Variants in SORBS2 observed in about 807,000 individuals in gnomAD.
SORBS2 encodes the protein sorbin and SH3 domain containing 2.
A neutral mutation model predicts 97.7 loss-of-function variants in SORBS2; 46 were observed. The ratio of observed to expected loss-of-function variants is 0.47; its 90% CI spans 0.37 to 0.60. The LOEUF (loss-of-function observed/expected upper bound fraction) is 0.60, where lower values mean the gene tolerates loss of function less well. SORBS2 is among the 20% of genes least tolerant of loss of function. The pLI, the probability that SORBS2 is intolerant of heterozygous loss-of-function variation, is 0.00. For synonymous variants in SORBS2, 476 were observed against 473.4 expected (o/e 1.01, Z -0.07); for missense variants, 1,316 against 1,282.3 (o/e 1.03, Z -0.40).
chr4:185,722,573 G>A (rs1454405097), intron 2 of SORBS2, among the ~76,000 whole-genome samples: 1 of 152,060 alleles, frequency 6.6e-6, no homozygotes, highest in Non-Finnish European at 1.5e-5. Flanking sequence ...GCATCTGATT[G>A]GTGATAAAAA....
intron 2 of SORBS2, among the ~76,000 whole-genome samples, chr4:185,739,598 G>A (rs2098709808): frequency 6.6e-6 from 1 of 152,194 alleles, no homozygotes; most frequent in Non-Finnish European, 1.5e-5. Context: ...TGTGTGTTCA[G>A]GATGAGGGCT....
At chr4:185,847,396 T>C (rs1010225626) in intron 1 of SORBS2, among the ~76,000 whole-genome samples, 2 of 152,136 alleles carry the variant, frequency 1.3e-5, no homozygotes, top group East Asian at 1.9e-4. Flanking sequence ...CTCTGCCCAG[T>C]GTGGAGGTGA....
chr4:185,665,847 C>T, intron 4 of SORBS2: 1 of 1,155,034 alleles, frequency 8.7e-7, no homozygotes, highest in Non-Finnish European at 1.1e-6. Context: ...CAATCTGCAG[C>T]TCCTCCAGCA....
intron 2 of SORBS2, among the ~76,000 whole-genome samples, chr4:185,699,798 C>A (rs996091300): frequency 1.2e-4 from 19 of 152,224 alleles, no homozygotes; most frequent in African/African-American, 4.3e-4. Context: ...AGACAGATAT[C>A]TTCCATTTTA....
chr4:185,906,536 T>G (rs577876319), intron 1 of SORBS2, among the ~76,000 whole-genome samples: 1 of 152,364 alleles, frequency 6.6e-6, no homozygotes, highest in South Asian at 2.1e-4. Context: ...GACCAACTTT[T>G]GGTATGAAAT....
At chr4:185,885,265 C>A (rs929836431) in intron 1 of SORBS2, among the ~76,000 whole-genome samples, 2 of 152,154 alleles carry the variant, frequency 1.3e-5, no homozygotes, top group African/African-American at 2.4e-5. Context: ...AGCCCAAGGG[C>A]GAGGAAAAGC....
In SORBS2 at chr4:185,677,410, T is replaced by C. The variant is rs1399756300; in HGVS notation, c.-46+1013A>G. The C allele has an allele frequency of 2.6e-6, 4 of 1,552,322 alleles. No individual in the cohort carries two copies. The East Asian group carries it at 9.8e-5, about 38-fold the overall frequency. Reference sequence around the variant, plus strand: ...GAAGCTGCTGGTAGTGGATTAGTGATTTTTTGTGTATATGACATGGTTGTG... The same window carrying C: ...GAAGCTGCTGGTAGTGGATTAGTGACTTTTTGTGTATATGACATGGTTGTG... On this transcript the variant is annotated intron_variant, in intron 4 of 20. Transcript: ENST00000284776.
intron 2 of SORBS2, among the ~76,000 whole-genome samples, chr4:185,765,469 CG>C (rs1335912793): frequency 6.6e-6 from 1 of 151,984 alleles, no homozygotes; most frequent in African/African-American, 2.4e-5. Context: ...TAACATCAAA[CG>C]TTTTTTAATT....
At chr4:185,630,142 A>G (rs995141122) in intron 5 of SORBS2, among the ~76,000 whole-genome samples, 5 of 152,120 alleles carry the variant, frequency 3.3e-5, no homozygotes, top group Non-Finnish European at 5.9e-5. Flanking sequence ...TAATAACAGT[A>G]TTTCTGATTT....
chr4:185,921,243 G>T (rs758405687), intron 1 of SORBS2, among the ~76,000 whole-genome samples: 10 of 152,170 alleles, frequency 6.6e-5, no homozygotes, highest in South Asian at 2.1e-4. Context: ...TCTCCACTCA[G>T]CCATTTCTAA....
At position 185,953,140 on chromosome 4, in the gene SORBS2, C is replaced by T. The variant is rs546653277; in HGVS notation, c.-338+3056G>A. 5.3e-5 allele frequency among the ~76,000 whole-genome samples: 8 copies of T among 152,280 alleles called. No individual in the cohort carries two copies. The South Asian group carries it at 1.7e-3, about 32-fold the overall frequency. ...GACCAGCCTGGCCAACATAGTGAAA[C>T]CCCGTCTCTACTAAAAATACAAAAA... is the stretch of plus-strand genomic sequence containing the variant. On this transcript the variant is annotated intron_variant, in intron 1 of 20. Transcript: ENST00000284776.
intron 1 of SORBS2, among the ~76,000 whole-genome samples, chr4:185,920,649 A>C (rs1384384065): frequency 6.6e-6 from 1 of 152,232 alleles, no homozygotes; most frequent in Non-Finnish European, 1.5e-5. Flanking sequence ...CTTTTAAAAA[A>C]ATTTGGCAAC....
At chr4:185,921,555 AT>A (rs1004801380) in intron 1 of SORBS2, among the ~76,000 whole-genome samples, 15 of 152,194 alleles carry the variant, frequency 9.9e-5, no homozygotes, top group African/African-American at 3.6e-4. Context: ...AAGTATTTTA[AT>A]TGATCAGGAG....
chr4:185,627,108 G>A (rs899228381), intron 5 of SORBS2, 89 bp from the exon 18 acceptor site: 1 of 1,101,548 alleles, frequency 9.1e-7, no homozygotes, highest in African/African-American at 1.5e-5. Flanking sequence ...TAGTGACAAT[G>A]GCGTAACTCC....
At chr4:185,598,533 T>C (rs1467925815) in intron 12 of SORBS2, among the ~76,000 whole-genome samples, 1 of 152,230 alleles carries the variant, frequency 6.6e-6, no homozygotes, top group Non-Finnish European at 1.5e-5. Context: ...TCAAAGCTTC[T>C]GCAGTTATCT....
chr4:185,858,024 C>CATA (rs2099221588), intron 1 of SORBS2, among the ~76,000 whole-genome samples: 1 of 152,156 alleles, frequency 6.6e-6, no homozygotes, highest in African/African-American at 2.4e-5. Flanking sequence ...ACTCCCTGTT[C>CATA]ATACATCCCC....
At position 185,880,651 on chromosome 4, in the gene SORBS2, G is replaced by A. The variant is rs115203926; in HGVS notation, c.-338+75545C>T. On this transcript the variant is annotated intron_variant, in intron 1 of 20. Coordinates refer to the SORBS2 transcript ENST00000284776. ...TCATCAATAACTAGGATACTTTTAAGTTTCTCCTTGATATTTTCTCACCCC... is the reference window on the plus strand; with the variant it reads ...TCATCAATAACTAGGATACTTTTAAATTTCTCCTTGATATTTTCTCACCCC... 1.3e-3 allele frequency among the ~76,000 whole-genome samples: 202 copies of A among 152,318 alleles called. 2 individuals carry two copies. The highest frequency in any genetic ancestry group is 4.5e-3 in the African/African-American group (188 of 41,554).
intron 1 of SORBS2, among the ~76,000 whole-genome samples, chr4:185,853,179 T>G (rs1026350564): frequency 6.6e-6 from 1 of 152,178 alleles, no homozygotes; most frequent in Non-Finnish European, 1.5e-5. Context: ...TAATATATGC[T>G]TGGAGTTTCA....
intron 2 of SORBS2, among the ~76,000 whole-genome samples, chr4:185,751,052 T>C (rs532758358): frequency 2.6e-5 from 4 of 151,394 alleles, no homozygotes; most frequent in Non-Finnish European, 5.9e-5. Context: ...AGACAAAACA[T>C]ACCACACGAA....
Sources: gnomAD v4.1 joint callset for allele counts (sites outside exome capture counted in the v4.1 genomes callset) on GRCh38, gnomAD v4.1.1 for gene constraint, MANE v1.5 for transcripts, NCBI Gene and HGNC (gene_info 2026-07-23, HGNC 2026-07-21) for gene names.